BLTP1: variants seen among roughly 807,000 people sequenced by gnomAD.
The protein encoded by BLTP1 is bridge-like lipid transfer protein family member 1.
the BLTP1 span, chr4:122,172,874 A>T: frequency 1.0e-6 from 1 of 964,164 alleles, no homozygotes; most frequent in South Asian, 4.8e-5. Context: ...AATGGATCTG[A>T]TCGGAATTTA....
At chr4:122,180,502 C>T in the BLTP1 span, among the ~76,000 whole-genome samples, 1 of 152,140 alleles carries the variant, frequency 6.6e-6, no homozygotes, top group African/African-American at 2.4e-5. Flanking sequence ...TTTATTTAAT[C>T]CTCACAACAA....
At chr4:122,188,178 A>T in the BLTP1 span, 9 of 1,252,654 alleles carry the variant, frequency 7.2e-6, no homozygotes, top group Non-Finnish European at 6.2e-6. Context: ...TTTTTTTGCT[A>T]CAAGTTGTAC....
At chr4:122,205,862 T>C in the BLTP1 span, 9 of 624,360 alleles carry the variant, frequency 1.4e-5, no homozygotes, top group Admixed American at 5.1e-4. Flanking sequence ...ACTGTGAGTA[T>C]ACAAAGGTGA....
chr4:122,217,544 C>T, the BLTP1 span, among the ~76,000 whole-genome samples: 1 of 152,018 alleles, frequency 6.6e-6, no homozygotes, highest in African/African-American at 2.4e-5. Flanking sequence ...ATTGACTCAT[C>T]CCTTCATCCC....
At chr4:122,169,060 G>T in the BLTP1 span, among the ~76,000 whole-genome samples, 4,306 of 152,122 alleles carry the variant, frequency 0.028, 136 homozygotes, top group African/African-American at 0.08. Flanking sequence ...CAATCCTCCT[G>T]CCCCCATGCC....
At chr4:122,322,062 T>C in the BLTP1 span, among the ~76,000 whole-genome samples, 1 of 139,736 alleles carries the variant, frequency 7.2e-6, no homozygotes, top group African/African-American at 2.6e-5. Context: ...TATCTGTGGT[T>C]TGGCATCTGA....
chr4:122,281,482 A>G, the BLTP1 span: 1 of 1,454,210 alleles, frequency 6.9e-7, no homozygotes, highest in East Asian at 2.5e-5. Context: ...ATTTTCTACA[A>G]TAAAATGGTA....
chr4:122,179,814 C>G, the BLTP1 span: 15 of 982,548 alleles, frequency 1.5e-5, no homozygotes, highest in Non-Finnish European at 1.8e-5. Flanking sequence ...CACACAAGTG[C>G]TAGTACACTC....
At chr4:122,188,593 C>T in the BLTP1 span, among the ~76,000 whole-genome samples, 1 of 151,224 alleles carries the variant, frequency 6.6e-6, no homozygotes, top group Non-Finnish European at 1.5e-5. Flanking sequence ...TGTCAGTTTT[C>T]CATCTAGCTT....
At chr4:122,183,987 A>G in the BLTP1 span, among the ~76,000 whole-genome samples, 15 of 152,252 alleles carry the variant, frequency 9.9e-5, no homozygotes, top group African/African-American at 3.6e-4. Context: ...CTCCACTGTA[A>G]TCTTGTTAAC....
At chr4:122,216,055 A>ATG in the BLTP1 span, among the ~76,000 whole-genome samples, 1,187 of 151,318 alleles carry the variant, frequency 7.8e-3, 9 homozygotes, top group African/African-American at 0.017. Flanking sequence ...TGGTATATAT[A>ATG]TGTGTGTGTG....
the BLTP1 span, chr4:122,229,283 C>T: frequency 3.5e-6 from 5 of 1,427,046 alleles, no homozygotes; most frequent in African/African-American, 5.8e-5. Context: ...TTCGTTTTTA[C>T]TAAACCAAAC....
At chr4:122,282,128 A>AG in the BLTP1 span, 1 of 972,100 alleles carries the variant, frequency 1.0e-6, no homozygotes, top group East Asian at 1.1e-4. Context: ...AGCTCAAATC[A>AG]GGGGTCATTT....
chr4:122,167,266 C>T, the BLTP1 span, among the ~76,000 whole-genome samples: 1 of 152,206 alleles, frequency 6.6e-6, no homozygotes, highest in East Asian at 1.9e-4. Context: ...TTCTAATTTT[C>T]TTCCTTTATA....
the BLTP1 span, chr4:122,263,307 C>A: frequency 1.4e-6 from 2 of 1,414,692 alleles, no homozygotes; most frequent in African/African-American, 2.9e-5. Context: ...CAAATACCAA[C>A]ATTATGCAGT....
At chr4:122,232,867 G>A in the BLTP1 span, among the ~76,000 whole-genome samples, 14 of 152,062 alleles carry the variant, frequency 9.2e-5, no homozygotes, top group African/African-American at 2.2e-4. Flanking sequence ...CCTAGGACTC[G>A]TGACGATTTG....
At chr4:122,194,548 A>G in the BLTP1 span, 1 of 919,998 alleles carries the variant, frequency 1.1e-6, no homozygotes, top group Admixed American at 6.2e-5. Flanking sequence ...AGCTACATCT[A>G]TTTAAACTAT....
At chr4:122,299,085 ATTATT>A in the BLTP1 span, 2 of 973,842 alleles carry the variant, frequency 2.1e-6, no homozygotes, top group South Asian at 9.5e-5. Context: ...CCCCTTAAGA[ATTATT>A]TAATTAGGGA....
chr4:122,207,514 CTTTTTT>C, the BLTP1 span: 3 of 1,285,954 alleles, frequency 2.3e-6, no homozygotes, highest in Non-Finnish European at 3.1e-6. Context: ...ACTTTTTCTT[CTTTTTT>C]TTTTTTTTTT....
Sources: gnomAD v4.1 joint callset for allele counts (sites outside exome capture counted in the v4.1 genomes callset) on GRCh38, gnomAD v4.1.1 for gene constraint, MANE v1.5 for transcripts, NCBI Gene and HGNC (gene_info 2026-07-23, HGNC 2026-07-21) for gene names.